Variants in ANKRD11 observed in about 807,000 individuals in gnomAD.
ANKRD11 encodes ankyrin repeat domain-containing protein 11.
In ANKRD11, 17 loss-of-function variants were observed where a neutral mutation model predicts 195.7. That is an observed-to-expected ratio of 0.09 (90% CI 0.06 to 0.13). The LOEUF (loss-of-function observed/expected upper bound fraction) is 0.13, where lower values mean the gene tolerates loss of function less well. Ranked by LOEUF, ANKRD11 falls within the 10% of genes least tolerant of loss-of-function variation. The pLI is 1.00. For missense variants in ANKRD11, 3,735 were observed against 3,566.1 expected (o/e 1.05, Z -1.21); for synonymous variants, 1,953 against 1,528.1 (o/e 1.28, Z -6.49).
intron 1 of ANKRD11, among the ~76,000 whole-genome samples, chr16:89,488,448 C>CT (rs1231078672): frequency 6.6e-6 from 1 of 151,564 alleles, no homozygotes; most frequent in African/African-American, 2.4e-5. Context: ...CCGCCCCCCC[C>CT]CCTTTTTTTC....
chr16:89,376,702 G>A (rs1030708296), intron 2 of ANKRD11, among the ~76,000 whole-genome samples: 1 of 152,206 alleles, frequency 6.6e-6, no homozygotes, highest in African/African-American at 2.4e-5. Context: ...GCCTCCCTAA[G>A]TGCTGGGATT....
In ANKRD11 at chr16:89,315,108, G is replaced by A. The variant is rs116997895; in HGVS notation, c.87+1825C>T. Among the ~76,000 whole-genome samples the A allele has an allele frequency of 1.8e-3, 279 of 152,282 alleles. 2 individuals are homozygous for A. Among genetic ancestry groups the A allele is most frequent in the Non-Finnish European group, 1.6e-3 (106 of 68,024 alleles). The stretch of plus-strand genomic sequence containing the variant: ...ACACAGCTCACGCCTCCACACTCTC[G>A]GGGTGAAACCACACCATACACGACC... On this transcript the variant is annotated intron_variant, in intron 3 of 12. Coordinates refer to ENST00000301030, the MANE Select transcript of ANKRD11 (RefSeq NM_013275.6).
chr16:89,381,887 T>G (rs1178968959), intron 2 of ANKRD11, among the ~76,000 whole-genome samples: 1 of 152,254 alleles, frequency 6.6e-6, no homozygotes, highest in Non-Finnish European at 1.5e-5. Context: ...GCCACTCACG[T>G]GGTGACCACA....
At chr16:89,353,148 C>A (rs1828980737) in intron 2 of ANKRD11, among the ~76,000 whole-genome samples, 1 of 152,100 alleles carries the variant, frequency 6.6e-6, no homozygotes, top group Admixed American at 6.5e-5. Context: ...TCAAGACCAG[C>A]CTGGCCAATA....
chr16:89,323,966 C>A, intron 2 of ANKRD11: 1 of 226,846 alleles, frequency 4.4e-6, no homozygotes, highest in Non-Finnish European at 8.9e-6. Context: ...CGGCCCCTCC[C>A]CTGCACCCCA....
Position 89,280,333 on chromosome 16 carries a change from TTGCAGTTGC to T in ANKRD11, c.6200_6208del (p.Ser2067_Cys2069del). ...GTCCAGCGGGGCTTCCGGAAGTGAC[TTGCAGTTGC>T]TGAAGAAGGACTCCAGCCCGGAGGG... is the stretch of plus-strand genomic sequence containing the variant. On this transcript the variant is annotated inframe_deletion, in exon 9 of 13. Coordinates refer to ENST00000301030, the MANE Select transcript of ANKRD11 (RefSeq NM_013275.6). 6.3e-7 allele frequency: 1 copy of T among 1,580,556 alleles called. No individual in the cohort carries two copies. Among genetic ancestry groups the T allele is most frequent in the Non-Finnish European group, 8.6e-7 (1 of 1,163,280 alleles).
At chr16:89,303,989 G>A (rs969543361) in intron 4 of ANKRD11, among the ~76,000 whole-genome samples, 1 of 152,168 alleles carries the variant, frequency 6.6e-6, no homozygotes, top group Admixed American at 6.5e-5. Flanking sequence ...GGACAGAGCC[G>A]AGGGCCTGAC....
At chr16:89,305,457 C>A in intron 3 of ANKRD11, 113 bp from the exon 4 acceptor site, 1 of 1,418,234 alleles carries the variant, frequency 7.1e-7, no homozygotes, top group Non-Finnish European at 9.7e-7. Flanking sequence ...CAATGAACAC[C>A]CTCCCTGCAC....
intron 4 of ANKRD11, among the ~76,000 whole-genome samples, chr16:89,292,336 C>T (rs773493432): frequency 3.9e-5 from 6 of 152,210 alleles, no homozygotes; most frequent in Non-Finnish European, 8.8e-5. Flanking sequence ...GGATCCCACA[C>T]CTGCCCGGTC....
chr16:89,361,454 T>C (rs2039728836), intron 2 of ANKRD11: 1 of 152,286 alleles, frequency 6.6e-6, no homozygotes, highest in South Asian at 2.1e-4. Context: ...CTTTGAAACT[T>C]AGGGTTTGTG....
At chr16:89,343,922 G>C (rs113268825) in intron 2 of ANKRD11, 1 of 152,234 alleles carries the variant, frequency 6.6e-6, no homozygotes, top group East Asian at 1.9e-4. Context: ...TACGGATCAC[G>C]GGCTGTTTTG....
chr16:89,351,027 A>G (rs2039190440), intron 2 of ANKRD11, among the ~76,000 whole-genome samples: 1 of 152,174 alleles, frequency 6.6e-6, no homozygotes, highest in Admixed American at 6.5e-5. Context: ...AAGATCACCT[A>G]ACAACGCATT....
At chr16:89,364,799 C>T (rs1415623438) in intron 2 of ANKRD11, among the ~76,000 whole-genome samples, 1 of 152,228 alleles carries the variant, frequency 6.6e-6, no homozygotes, top group Non-Finnish European at 1.5e-5. Flanking sequence ...CACACAATCT[C>T]ATCTCGGCTC....
intron 9 of ANKRD11, among the ~76,000 whole-genome samples, chr16:89,275,574 A>C (rs533849383): frequency 1.1e-4 from 17 of 152,238 alleles, no homozygotes; most frequent in African/African-American, 4.1e-4. Flanking sequence ...TCCTGTGTTC[A>C]CAGGGAGGGC....
At chr16:89,442,043 G>A (rs1201364600) in intron 1 of ANKRD11, among the ~76,000 whole-genome samples, 1 of 152,144 alleles carries the variant, frequency 6.6e-6, no homozygotes, top group Non-Finnish European at 1.5e-5. Flanking sequence ...TAAGATCCAA[G>A]AAATAAACTT....
intron 1 of ANKRD11, among the ~76,000 whole-genome samples, chr16:89,481,461 G>A (rs749794577): frequency 1.8e-4 from 28 of 152,230 alleles, no homozygotes; most frequent in Non-Finnish European, 3.5e-4. Flanking sequence ...TGACGTTGAC[G>A]CAGGAGGCTC....
At chr16:89,274,205 C>T (rs780297423) in intron 11 of ANKRD11, among the ~76,000 whole-genome samples, 20 of 152,208 alleles carry the variant, frequency 1.3e-4, no homozygotes, top group Non-Finnish European at 2.5e-4. Flanking sequence ...CATCCTATGT[C>T]CCAGTGGACA....
At chr16:89,397,945 A>G (rs984691148) in intron 2 of ANKRD11, among the ~76,000 whole-genome samples, 1 of 152,234 alleles carries the variant, frequency 6.6e-6, no homozygotes, top group African/African-American at 2.4e-5. Context: ...TCAGACACTG[A>G]TCTCCTGTTG....
rs192996840 is a variant in ANKRD11, at chr16:89,340,054, T to C, written c.-59-22976A>G. 5 of 152,356 alleles carry C rather than the reference T, an allele frequency of 3.3e-5. No individual in the cohort carries two copies. In the East Asian group the frequency reaches 7.7e-4, roughly 23 times the overall value. The allele number at this position is 152,356 out of a possible 1,614,324, so 9.4% of individuals were successfully genotyped here. ...GTTGTCTGAAAAATCCATTCTCCTGTTGACTAACATTTGTTTTTTCCAACT... is the reference window on the plus strand; with the variant it reads ...GTTGTCTGAAAAATCCATTCTCCTGCTGACTAACATTTGTTTTTTCCAACT... On this transcript the variant is annotated intron_variant, in intron 2 of 12. Coordinates refer to ENST00000301030, the MANE Select transcript of ANKRD11 (RefSeq NM_013275.6).
Sources: allele counts gnomAD v4.1 joint callset (sites outside exome capture counted in the v4.1 genomes callset), GRCh38; gene constraint gnomAD v4.1.1; transcripts MANE v1.5; gene names NCBI Gene and HGNC (gene_info 2026-07-23, HGNC 2026-07-21).